The following HACD4 variants were observed in gnomAD, a reference collection of about 807,000 sequenced individuals.
HACD4 encodes 3-hydroxyacyl-CoA dehydratase 4.
HACD4 carries 35 observed loss-of-function variants against 33.3 expected under a neutral mutation model. The observed-to-expected ratio is 1.05, with a 90% confidence interval of 0.80 to 1.39. The LOEUF (loss-of-function observed/expected upper bound fraction) is 1.39. Ranked by LOEUF, HACD4 falls within the 40% of genes most tolerant of loss-of-function variation. The pLI is 0.00. For synonymous variants in HACD4, 118 were observed against 98.0 expected (o/e 1.20, Z -1.21); for missense variants, 323 against 276.5 (o/e 1.17, Z -1.19).
chr9:21,009,038 G>A (rs1044492118), intron 5 of HACD4, among the ~76,000 whole-genome samples: 3 of 152,050 alleles, frequency 2.0e-5, no homozygotes, highest in Non-Finnish European at 2.9e-5. Context: ...AACACAGGCC[G>A]CACCTATGTC....
At position 21,003,770 on chromosome 9, in the gene HACD4, T is replaced by G. The variant is rs1842205914; in HGVS notation, c.*3267A>C. ...AGCAATGACTATCAGTTATTCACAC[T>G]TTTTTTAGATTTTCAAAGAAAGCAT... is the stretch of plus-strand genomic sequence containing the variant. On this transcript the variant is annotated 3_prime_UTR_variant, in exon 7 of 7. Transcript: ENST00000495827. 2.6e-5 allele frequency: 4 copies of G among 152,210 alleles called. No homozygotes were observed. Among genetic ancestry groups the G allele is most frequent in the Admixed American group, 2.6e-4 (4 of 15,282 alleles). The allele number at this position is 152,210 out of a possible 1,614,324, so 9.4% of individuals were successfully genotyped here.
intron 4 of HACD4, among the ~76,000 whole-genome samples, chr9:21,012,582 CA>C (rs2132774531): frequency 1.3e-5 from 2 of 152,264 alleles, no homozygotes; most frequent in East Asian, 3.9e-4. Flanking sequence ...GGTATTCTTT[CA>C]AAAATGTTTT....
intron 1 of HACD4, 46 bp downstream of exon 1, chr9:21,031,507 C>T (rs1818221433): frequency 1.4e-6 from 2 of 1,450,860 alleles, no homozygotes; most frequent in African/African-American, 1.5e-5. Context: ...GCCTCCAGGC[C>T]CTCCACCCGC....
chr9:21,012,887 C>T (rs911558480), intron 4 of HACD4, among the ~76,000 whole-genome samples: 6 of 151,844 alleles, frequency 4.0e-5, no homozygotes, highest in Admixed American at 6.6e-5. Context: ...GCCAACGTGG[C>T]GAAACCCCAT....
intron 2 of HACD4, among the ~76,000 whole-genome samples, chr9:21,028,342 A>G (rs999442757): frequency 6.6e-6 from 1 of 152,126 alleles, no homozygotes; most frequent in Non-Finnish European, 1.5e-5. Flanking sequence ...TAAAAATATA[A>G]AAGAAGTTTT....
intron 4 of HACD4, among the ~76,000 whole-genome samples, chr9:21,014,775 C>A (rs976499623): frequency 1.3e-5 from 2 of 152,132 alleles, no homozygotes; most frequent in African/African-American, 4.8e-5. Flanking sequence ...CATCACTTAG[C>A]AAGTAAGTAG....
chr9:21,011,481 A>T, intron 5 of HACD4, 108 bp downstream of exon 5: 1 of 709,858 alleles, frequency 1.4e-6, no homozygotes, highest in Admixed American at 2.2e-5. Flanking sequence ...ACACTGAGTG[A>T]GCTAAGCATT....
chr9:21,029,625 C>T (rs1818155464), intron 1 of HACD4, among the ~76,000 whole-genome samples: 1 of 152,218 alleles, frequency 6.6e-6, no homozygotes, highest in South Asian at 2.1e-4. Context: ...GATGAAGTTA[C>T]GTCCTGGTAC....
At chr9:21,014,838 C>A (rs370528056) in intron 4 of HACD4, among the ~76,000 whole-genome samples, 5 of 152,264 alleles carry the variant, frequency 3.3e-5, no homozygotes, top group African/African-American at 1.2e-4. Context: ...CAAAAATCTT[C>A]CTATGACAGC....
intron 4 of HACD4, 137 bp downstream of exon 4, chr9:21,015,761 C>G: frequency 1.8e-6 from 1 of 544,302 alleles, no homozygotes; most frequent in Non-Finnish European, 3.3e-6. Flanking sequence ...AAATACATTT[C>G]CATATCAAGA....
rs557986691 is a variant in HACD4 at position 21,014,823 on chromosome 9, A to G, written c.383+1075T>C. On this transcript the variant is annotated intron_variant, in intron 4 of 6. Transcript: ENST00000495827. ...TCATCTAGAGAGATCTTCTACCTCT[A>G]TGTCCAAAAATCTTCCTATGACAGC... Among the ~76,000 whole-genome samples, 272 of 152,334 alleles carry G rather than the reference A, an allele frequency of 1.8e-3. 4 individuals are homozygous for G. Among genetic ancestry groups the G allele is most frequent in the African/African-American group, 6.4e-3 (264 of 41,572 alleles).
chr9:21,012,097 T>A (rs1335592343), intron 4 of HACD4, among the ~76,000 whole-genome samples: 1 of 152,224 alleles, frequency 6.6e-6, no homozygotes, highest in African/African-American at 2.4e-5. Flanking sequence ...GACTTCCAAA[T>A]CTTTATTTGG....
At chr9:21,020,682 T>A (rs186537927) in intron 3 of HACD4, among the ~76,000 whole-genome samples, 40 of 152,308 alleles carry the variant, frequency 2.6e-4, no homozygotes, top group Admixed American at 2.3e-3. Flanking sequence ...CTTTTATGCT[T>A]CTTTTGGACC....
intron 3 of HACD4, among the ~76,000 whole-genome samples, chr9:21,022,429 G>C (rs901050518): frequency 6.6e-6 from 1 of 152,172 alleles, no homozygotes; most frequent in African/African-American, 2.4e-5. Flanking sequence ...TACCATCAGA[G>C]TGAACAGGCA....
intron 3 of HACD4, among the ~76,000 whole-genome samples, chr9:21,021,750 A>G (rs1477336847): frequency 6.6e-6 from 1 of 152,202 alleles, no homozygotes; most frequent in Non-Finnish European, 1.5e-5. Flanking sequence ...AAATGGAAGA[A>G]CATTCCATGC....
At chr9:21,029,175 A>C (rs1818140689) in intron 2 of HACD4, 120 bp downstream of exon 2, 1 of 619,628 alleles carries the variant, frequency 1.6e-6, no homozygotes, top group Non-Finnish European at 2.8e-6. Flanking sequence ...GGTTGCTAAA[A>C]AATACAAATT....
At chr9:21,015,705 G>T (rs746639489) in intron 4 of HACD4, 193 bp downstream of exon 4, 2 of 451,408 alleles carry the variant, frequency 4.4e-6, no homozygotes, top group Non-Finnish European at 3.9e-6. Context: ...GTAATACCAC[G>T]GTAGGTTTTC....
chr9:21,013,117 T>C (rs1842477098), intron 4 of HACD4, among the ~76,000 whole-genome samples: 1 of 152,058 alleles, frequency 6.6e-6, no homozygotes, highest in Non-Finnish European at 1.5e-5. Context: ...CAATTTATCT[T>C]TTTTTTCTTT....
At chr9:21,011,522 T>C in intron 5 of HACD4, 67 bp downstream of exon 5, 2 of 936,826 alleles carry the variant, frequency 2.1e-6, no homozygotes, top group South Asian at 1.4e-5. Context: ...CATCAAAAAA[T>C]TTAGTGAACC....
Sources: allele counts gnomAD v4.1 joint callset (sites outside exome capture counted in the v4.1 genomes callset), GRCh38; gene constraint gnomAD v4.1.1; transcripts MANE v1.5; gene names NCBI Gene and HGNC (gene_info 2026-07-23, HGNC 2026-07-21).